ANXA6: variants seen among roughly 807,000 people sequenced by gnomAD.
The protein encoded by ANXA6 is 67 kDa calelectrin.
ANXA6 carries 71 observed loss-of-function variants against 95.4 expected under a neutral mutation model. That is an observed-to-expected ratio of 0.74 (90% CI 0.61 to 0.91). The LOEUF (loss-of-function observed/expected upper bound fraction) is 0.91. ANXA6 is among the 40% of genes least tolerant of loss of function. ANXA6 has a pLI of 0.00. For synonymous variants in ANXA6, 289 were observed against 315.9 expected, an observed-to-expected ratio of 0.91 and a Z score of 0.90; for missense variants, 830 against 876.4, an observed-to-expected ratio of 0.95 and a Z score of 0.67.
intron 2 of ANXA6, among the ~76,000 whole-genome samples, chr5:151,142,397 G>C (rs1175454125): frequency 6.6e-6 from 1 of 151,920 alleles, no homozygotes; most frequent in Non-Finnish European, 1.5e-5. Flanking sequence ...AGAATCACTT[G>C]AACCTGGGAG....
At chr5:151,105,802 G>C (rs898252145) in intron 23 of ANXA6, among the ~76,000 whole-genome samples, 2 of 152,204 alleles carry the variant, frequency 1.3e-5, no homozygotes, top group East Asian at 3.8e-4. Flanking sequence ...CCAGATTCCA[G>C]AGATGCTGAA....
At chr5:151,131,863 A>G (rs1046384192) in intron 10 of ANXA6, among the ~76,000 whole-genome samples, 9 of 152,156 alleles carry the variant, frequency 5.9e-5, no homozygotes, top group Non-Finnish European at 1.2e-4. Flanking sequence ...AAGGCAGTCC[A>G]TCCTTCCTGC....
chr5:151,117,656 G>T, intron 19 of ANXA6, 102 bp downstream of exon 19: 1 of 965,810 alleles, frequency 1.0e-6, no homozygotes. Flanking sequence ...TCTCCATCAG[G>T]AGTGCACTTC....
chr5:151,113,836 G>A (rs1764920149), intron 20 of ANXA6, among the ~76,000 whole-genome samples: 1 of 152,202 alleles, frequency 6.6e-6, no homozygotes, highest in South Asian at 2.1e-4. Flanking sequence ...CAAATGTTTA[G>A]AGCAGCATTA....
chr5:151,139,210 TGAG>T, intron 4 of ANXA6, 140 bp downstream of exon 4: 2 of 628,256 alleles, frequency 3.2e-6, no homozygotes, highest in Middle Eastern at 3.2e-4. Flanking sequence ...GCCCAGCTGA[TGAG>T]AAGAAAAAGA....
In ANXA6 at chr5:151,101,459, C is replaced by T. The variant is rs1400323622; in HGVS notation, c.2011G>A (p.Gly671Ser). ...CCAAAGCTGTGGCCCTAGTCCTCAC[C>T]ACCACAGAGAGCCAGCAAGGCCTTC... Reference protein sequence around the residue: ...FLKALLALCGGED With the variant: ...FLKALLALCGSED Residue 671 changes from glycine to serine, a missense_variant, in exon 26 of 26, where the codon GGT (glycine) becomes AGT (serine). Transcript: ENST00000354546. 6.4e-7 allele frequency: 1 copy of T among 1,559,810 alleles called. No homozygotes were observed. The highest frequency in any genetic ancestry group is 1.9e-5 in the Admixed American group (1 of 52,174).
Position 151,107,656 on chromosome 5 carries a change from T to C in ANXA6, c.1780+799A>G, listed in dbSNP as rs367993423. On this transcript the variant is annotated intron_variant, in intron 23 of 25. Coordinates refer to ENST00000354546, the MANE Select transcript of ANXA6 (RefSeq NM_001155.5). ...TTTAAAAGTGCATTGATGCAATGTG[T>C]TTTATAGTAAATGAAACAAGATACC... Among the ~76,000 whole-genome samples, 34 of 152,320 alleles carry C rather than the reference T, an allele frequency of 2.2e-4. No individual in the cohort carries two copies. In the South Asian group the frequency reaches 6.4e-3, roughly 29 times the overall value.
intron 19 of ANXA6, 71 bp downstream of exon 19, chr5:151,117,687 C>A (rs1765040554): frequency 2.2e-6 from 3 of 1,361,106 alleles, no homozygotes; most frequent in South Asian, 1.2e-5. Context: ...GTGCCCTCCA[C>A]TCAGTAAACC....
intron 14 of ANXA6, among the ~76,000 whole-genome samples, chr5:151,125,754 C>G (rs1396688710): frequency 6.6e-6 from 1 of 152,118 alleles, no homozygotes; most frequent in Non-Finnish European, 1.5e-5. Context: ...CTTGCCTTAT[C>G]ATTTGGGGAA....
Position 151,138,778 on chromosome 5 carries a change from T to A in ANXA6, c.218A>T (p.Asp73Val), listed in dbSNP as rs757020765. ...CTTGCCCGTCAATTCATACTTTAAA[T>A]CAGCAATGAGGTCCTGGCAGGTGGG... ...KSLYGKDLIA[D>V]LKYELTGKFE... Residue 73 changes from aspartate to valine, a missense_variant, in exon 5 of 26, where the codon GAT (aspartate) becomes GTT (valine). Asp to Val is a radical substitution (Grantham distance 152, BLOSUM62 -3). Transcript: ENST00000354546. 3 of 1,613,390 alleles carry A rather than the reference T, an allele frequency of 1.9e-6. No individual in the cohort carries two copies. The highest frequency in any genetic ancestry group is 2.5e-6 in the Non-Finnish European group (3 of 1,179,458).
chr5:151,144,380 A>T (rs1316838003), intron 2 of ANXA6, among the ~76,000 whole-genome samples: 1 of 152,156 alleles, frequency 6.6e-6, no homozygotes, highest in Non-Finnish European at 1.5e-5. Flanking sequence ...GATATGTGGG[A>T]TCTAGAAACT....
Position 151,147,943 on chromosome 5 carries a change from C to T in ANXA6, c.-25-17G>A. On this transcript the variant is annotated splice_polypyrimidine_tract_variant and intron_variant, in intron 1 of 25. Coordinates refer to ENST00000354546, the MANE Select transcript of ANXA6 (RefSeq NM_001155.5). ...CAGAATCCACTGTAGAGAAGAAAGA[C>T]AGCATGTGAGATTCCCCCCAACTCT... 6.3e-7 allele frequency: 1 copy of T among 1,596,078 alleles called. No homozygotes were observed.
chr5:151,135,124 C>A (rs1466418130), intron 7 of ANXA6, among the ~76,000 whole-genome samples: 1 of 152,138 alleles, frequency 6.6e-6, no homozygotes, highest in African/African-American at 2.4e-5. Context: ...GGGCAGAGGT[C>A]TGCAGGTGGC....
At chr5:151,143,151 A>C (rs1765882352) in intron 2 of ANXA6, among the ~76,000 whole-genome samples, 1 of 152,172 alleles carries the variant, frequency 6.6e-6, no homozygotes, top group Admixed American at 6.5e-5. Context: ...TGACATGTCA[A>C]GACCACACAG....
chr5:151,103,688 G>A lies in ANXA6; in HGVS notation c.1844C>T (p.Ala615Val). The change falls in exon 25 of 26, where the codon GCT becomes GTT. Residue 615 changes from alanine (A) to valine (V), a missense_variant. Physicochemically the swap from Ala to Val is moderately conservative, Grantham distance 64 (BLOSUM62 0). Coordinates refer to ENST00000354546, the MANE Select transcript of ANXA6 (RefSeq NM_001155.5). The stretch of plus-strand genomic sequence containing the variant: ...GGTCAGAGTCTTCTCATCTGTGCCA[G>A]CACCCTGGTGGAGCCAGGCAGGAGG... ...ADKLYKSMKG[A>V]GTDEKTLTRI... 1 of 1,608,304 alleles carries A rather than the reference G, an allele frequency of 6.2e-7. No homozygotes were observed.
At chr5:151,124,529 C>A (rs566585409) in intron 14 of ANXA6, among the ~76,000 whole-genome samples, 162 bp from the exon 15 acceptor site, 1 of 148,346 alleles carries the variant, frequency 6.7e-6, no homozygotes, top group South Asian at 2.1e-4. Context: ...AGACCCTGCA[C>A]GAGAGCTGAG....
chr5:151,116,366 C>T (rs112224011), intron 20 of ANXA6, among the ~76,000 whole-genome samples: 1 of 152,184 alleles, frequency 6.6e-6, no homozygotes, highest in African/African-American at 2.4e-5. Flanking sequence ...CTGGGTCAGG[C>T]TACTGGGTGC....
chr5:151,149,517 C>T (rs781655319), intron 1 of ANXA6, among the ~76,000 whole-genome samples: 1 of 152,016 alleles, frequency 6.6e-6, no homozygotes, highest in Non-Finnish European at 1.5e-5. Context: ...GATGGAGTCT[C>T]GCTCTGTTAC....
chr5:151,107,733 C>T (rs1389456371), intron 23 of ANXA6, among the ~76,000 whole-genome samples: 2 of 152,234 alleles, frequency 1.3e-5, no homozygotes, highest in East Asian at 3.8e-4. Context: ...CATATCCACT[C>T]ATCCATATTT....
Sources: gnomAD v4.1 joint callset for allele counts (sites outside exome capture counted in the v4.1 genomes callset) on GRCh38, gnomAD v4.1.1 for gene constraint, MANE v1.5 for transcripts, NCBI Gene and HGNC (gene_info 2026-07-23, HGNC 2026-07-21) for gene names.